The following SLC17A4 variants were observed in gnomAD, a reference collection of about 807,000 sequenced individuals.
The protein encoded by SLC17A4 is probable small intestine urate exporter.
In SLC17A4, 33 loss-of-function variants were observed where a neutral mutation model predicts 52.5. The observed-to-expected ratio is 0.63, with a 90% CI of 0.48 to 0.84. The LOEUF (loss-of-function observed/expected upper bound fraction) is 0.84, where lower values mean the gene tolerates loss of function less well. Among genes scored for constraint, SLC17A4 ranks in the 40% least tolerant of loss-of-function variants. The probability of loss-of-function intolerance (pLI) is 0.00; values close to 1 mark genes in which losing one functional copy is unlikely to be tolerated. For synonymous variants in SLC17A4, 225 were observed against 216.2 expected, an observed-to-expected ratio of 1.04 and a Z score of -0.36; for missense variants, 585 against 597.1, an observed-to-expected ratio of 0.98 and a Z score of 0.21.
intron 6 of SLC17A4, among the ~76,000 whole-genome samples, chr6:25,771,345 A>T: frequency 6.6e-6 from 1 of 152,078 alleles, no homozygotes; most frequent in Non-Finnish European, 1.5e-5. Context: ...AGGCTGAGGC[A>T]GGTGGATCAC....
intron 1 of SLC17A4, among the ~76,000 whole-genome samples, chr6:25,759,697 C>T (rs76756178): frequency 0.079 from 12,000 of 152,208 alleles, 883 homozygotes; most frequent in African/African-American, 0.2. Context: ...GCTACTCCTG[C>T]TCGCTTTTGG....
chr6:25,756,403 G>A (rs1005581257), intron 1 of SLC17A4, among the ~76,000 whole-genome samples: 10 of 152,130 alleles, frequency 6.6e-5, no homozygotes, highest in African/African-American at 2.4e-4. Flanking sequence ...GGTTAGACTA[G>A]GCAGAGTGCT....
intron 8 of SLC17A4, among the ~76,000 whole-genome samples, chr6:25,775,246 C>T (rs567211709): frequency 2.0e-5 from 3 of 151,590 alleles, no homozygotes; most frequent in Admixed American, 6.6e-5. Flanking sequence ...GCATGAGAAT[C>T]GCTTGAGCTG....
chr6:25,773,035 C>A (rs1048508577), intron 6 of SLC17A4, among the ~76,000 whole-genome samples: 5 of 152,152 alleles, frequency 3.3e-5, no homozygotes, highest in Non-Finnish European at 7.4e-5. Context: ...TAAAAAAATC[C>A]TTTTTAATGC....
intron 8 of SLC17A4, 28 bp from the exon 9 acceptor site, chr6:25,776,567 T>G (rs1375800547): frequency 3.8e-6 from 6 of 1,571,846 alleles, no homozygotes; most frequent in Non-Finnish European, 5.2e-6. Flanking sequence ...TAAGGGCACA[T>G]GCACCTGACC....
At position 25,770,186 on chromosome 6, in the gene SLC17A4, T is replaced by G. The variant is rs1762360804; in HGVS notation, c.417T>G (p.Tyr139Ter). ...TGGCTGGAATATTTGGAGCCAAGTATGTGGTTGGTGCTGGCTTGTTTATTT... is the reference window on the plus strand; with the variant it reads ...TGGCTGGAATATTTGGAGCCAAGTAGGTGGTTGGTGCTGGCTTGTTTATTT... ...GYVAGIFGAK[Y>*]VVGAGLFISS... The change falls in exon 4 of 12, where the codon TAT becomes TAG. Residue 139 changes from tyrosine (Y) to a stop codon, truncating the protein, a stop_gained. Transcript: ENST00000377905. LOFTEE classifies it high-confidence loss of function. 2 of 1,613,996 alleles carry G rather than the reference T, an allele frequency of 1.2e-6. No individual in the cohort carries two copies. The highest frequency in any genetic ancestry group is 2.7e-5 in the African/African-American group (2 of 74,920).
At chr6:25,771,144 A>G (rs1762447932) in intron 6 of SLC17A4, 132 bp downstream of exon 6, 2 of 722,818 alleles carry the variant, frequency 2.8e-6, no homozygotes, top group Non-Finnish European at 4.8e-6. Flanking sequence ...AGCCAACTAC[A>G]TTTAACATTT....
At chr6:25,755,888 G>GT (rs1760974779) in intron 1 of SLC17A4, among the ~76,000 whole-genome samples, 1 of 152,158 alleles carries the variant, frequency 6.6e-6, no homozygotes, top group Admixed American at 6.5e-5. Flanking sequence ...TGCTCAAGCC[G>GT]TAAGTCTAGA....
intron 10 of SLC17A4, chr6:25,777,216 C>T (rs1456340346): frequency 2.3e-6 from 1 of 438,328 alleles, no homozygotes; most frequent in East Asian, 3.8e-5. Flanking sequence ...CTCACACAAA[C>T]CTCTCTCTGT....
chr6:25,773,814 C>G lies in SLC17A4; in HGVS notation c.987+140C>G. 9.1e-6 allele frequency: 7 copies of G among 770,564 alleles called. 2 individuals are homozygous for G. The South Asian group carries it at 1.5e-4, about 16-fold the overall frequency. 47.7% of individuals were successfully genotyped at this position (770,564 alleles called of 1,614,324 possible). On this transcript the variant is annotated intron_variant, in intron 8 of 11. Coordinates refer to ENST00000377905, the MANE Select transcript of SLC17A4 (RefSeq NM_005495.3). ...AGGACCTCCATATAGGAAATGCAATCTAGTTAATTTGGATTCTGATTGATC... is the reference window on the plus strand; with the variant it reads ...AGGACCTCCATATAGGAAATGCAATGTAGTTAATTTGGATTCTGATTGATC...
chr6:25,762,115 T>G (rs1412173616), intron 2 of SLC17A4, 62 bp downstream of exon 2: 1 of 1,433,606 alleles, frequency 7.0e-7, no homozygotes, highest in African/African-American at 1.4e-5. Flanking sequence ...CTGTAACTTG[T>G]GGTACTAAAT....
chr6:25,770,742 T>C (rs751376591), intron 5 of SLC17A4, among the ~76,000 whole-genome samples, 184 bp from the exon 6 acceptor site: 5 of 152,238 alleles, frequency 3.3e-5, no homozygotes, highest in South Asian at 2.1e-4. Context: ...TTCACACATA[T>C]GGAATTTCAG....
chr6:25,758,665 T>C (rs1186210188), intron 1 of SLC17A4, among the ~76,000 whole-genome samples: 2 of 152,242 alleles, frequency 1.3e-5, no homozygotes, highest in Non-Finnish European at 2.9e-5. Context: ...ATTGAGCTTA[T>C]TTGGATCTTC....
intron 1 of SLC17A4, among the ~76,000 whole-genome samples, chr6:25,756,464 G>GT (rs759542268): frequency 6.6e-6 from 1 of 152,042 alleles, no homozygotes; most frequent in Non-Finnish European, 1.5e-5. Context: ...TGCTACTCTT[G>GT]TTTTTTTCAT....
At chr6:25,769,671 G>T (rs140314849) in intron 3 of SLC17A4, among the ~76,000 whole-genome samples, 331 of 152,188 alleles carry the variant, frequency 2.2e-3, no homozygotes, top group African/African-American at 7.4e-3. Context: ...GACTAAGTTA[G>T]AATAAATGAA....
At chr6:25,765,957 G>A (rs1761973720) in intron 2 of SLC17A4, among the ~76,000 whole-genome samples, 1 of 151,842 alleles carries the variant, frequency 6.6e-6, no homozygotes, top group Non-Finnish European at 1.5e-5. Context: ...CAGGCAGAGA[G>A]ATTAAATACA....
At chr6:25,776,555 G>A (rs763240065) in intron 8 of SLC17A4, 40 bp from the exon 9 acceptor site, 28 of 1,557,918 alleles carry the variant, frequency 1.8e-5, no homozygotes, top group Non-Finnish European at 2.3e-5. Context: ...TGGTGGGGGT[G>A]GTAAGGGCAC....
intron 2 of SLC17A4, among the ~76,000 whole-genome samples, chr6:25,767,181 A>G (rs1338520147): frequency 6.6e-6 from 1 of 152,188 alleles, no homozygotes; most frequent in African/African-American, 2.4e-5. Context: ...ACTTTTAAAA[A>G]AGAACAAAGC....
intron 2 of SLC17A4, among the ~76,000 whole-genome samples, chr6:25,763,146 A>G (rs4145220): frequency 0.1 from 15,473 of 152,180 alleles, 1,011 homozygotes; most frequent in Middle Eastern, 0.15. Context: ...TGGAACTTCT[A>G]TGGTCTTTCT....
Sources: gnomAD v4.1 joint callset for allele counts (sites outside exome capture counted in the v4.1 genomes callset) on GRCh38, gnomAD v4.1.1 for gene constraint, MANE v1.5 for transcripts, NCBI Gene and HGNC (gene_info 2026-07-23, HGNC 2026-07-21) for gene names.